SPRYD7: variants seen among roughly 807,000 people sequenced by gnomAD.
SPRYD7 encodes the protein SPRY domain-containing protein 7.
SPRYD7 carries 14 observed loss-of-function variants against 23.8 expected under a neutral mutation model. That is an observed-to-expected ratio of 0.59 (90% CI 0.39 to 0.92). The LOEUF (loss-of-function observed/expected upper bound fraction) is 0.92, where lower values mean the gene tolerates loss of function less well. Ranked by LOEUF, SPRYD7 falls within the 40% of genes least tolerant of loss-of-function variation. The probability of loss-of-function intolerance (pLI) is 0.00; values close to 1 mark genes in which losing one functional copy is unlikely to be tolerated. For missense variants in SPRYD7, 194 were observed against 241.7 expected (o/e 0.80, Z 1.31); for synonymous variants, 75 against 84.9 (o/e 0.88, Z 0.64).
At chr13:49,933,430 C>T (rs1374076267) in intron 1 of SPRYD7, among the ~76,000 whole-genome samples, 1 of 151,724 alleles carries the variant, frequency 6.6e-6, no homozygotes, top group Non-Finnish European at 1.5e-5. Context: ...GTGAAACCCC[C>T]ATCTCTACTA....
At chr13:49,929,212 C>T (rs1020655687) in intron 2 of SPRYD7, among the ~76,000 whole-genome samples, 2 of 152,108 alleles carry the variant, frequency 1.3e-5, no homozygotes, top group South Asian at 2.1e-4. Flanking sequence ...GGGAAGGCTG[C>T]GGCAGGAGTA....
At chr13:49,923,388 C>T (rs950518372) in intron 3 of SPRYD7, among the ~76,000 whole-genome samples, 6 of 152,184 alleles carry the variant, frequency 3.9e-5, no homozygotes, top group Non-Finnish European at 8.8e-5. Context: ...GGATTACAGG[C>T]GCCCGCCACC....
In SPRYD7 at chr13:49,913,782, T is replaced by G. The variant is rs910705220; in HGVS notation, c.*1281A>C. 1 of 152,188 alleles carries G rather than the reference T, an allele frequency of 6.6e-6. No homozygotes were observed. Among genetic ancestry groups the G allele is most frequent in the African/African-American group, 2.4e-5 (1 of 41,452 alleles). The allele number at this position is 152,188 out of a possible 1,614,324, so 9.4% of individuals were successfully genotyped here. A position where few individuals can be genotyped will look rare whatever the true frequency, so the allele number is the denominator to read the frequency against. ...ACCTTGTGATCCTCCCGCCTCAGCC[T>G]CCCAAAGTGCTGGGATTACAGGTGT... On this transcript the variant is annotated 3_prime_UTR_variant, in exon 5 of 5. Transcript: ENST00000361840.
chr13:49,921,646 A>G, intron 3 of SPRYD7, 66 bp from the exon 4 acceptor site: 1 of 985,456 alleles, frequency 1.0e-6, no homozygotes, highest in Non-Finnish European at 1.6e-6. Flanking sequence ...ACTGGGAAGT[A>G]TGGAAACACA....
intron 1 of SPRYD7, 62 bp downstream of exon 1, chr13:49,936,067 TC>T: frequency 5.9e-6 from 7 of 1,190,272 alleles, no homozygotes; most frequent in East Asian, 6.6e-5. Context: ...ACCCTGAAGG[TC>T]CCCCTGCCCG....
intron 4 of SPRYD7, among the ~76,000 whole-genome samples, chr13:49,919,480 G>T (rs2138215778): frequency 6.6e-6 from 1 of 152,182 alleles, no homozygotes; most frequent in South Asian, 2.1e-4. Context: ...GGAGGCGGAG[G>T]TTTCAGTGAG....
chr13:49,934,555 C>CAA lies in SPRYD7; in HGVS notation c.106+1573_106+1574dup, dbSNP rs889803067. Among the ~76,000 whole-genome samples, 237 of 52,968 alleles carry CAA rather than the reference C, an allele frequency of 4.5e-3. 1 individual carries two copies. The highest frequency in any genetic ancestry group is 0.016 in the Middle Eastern group (2 of 122). 34.7% of individuals were successfully genotyped at this position (52,968 alleles called of 152,430 possible). A position where few individuals can be genotyped will look rare whatever the true frequency, so the allele number is the denominator to read the frequency against. On this transcript the variant is annotated intron_variant, in intron 1 of 4. Transcript: ENST00000361840. ...GGGCAACAATAGTGAAACTCCGTCT[C>CAA]AAAAAAAAAAAAAAAAAAAAAAGAA...
chr13:49,933,580 C>T (rs565417368), intron 1 of SPRYD7, among the ~76,000 whole-genome samples: 2 of 142,946 alleles, frequency 1.4e-5, no homozygotes, highest in Non-Finnish European at 3.0e-5. Flanking sequence ...CCAGCCTGGG[C>T]GACAGAGCGA....
Position 49,915,080 on chromosome 13 carries a change from C to A in SPRYD7, c.574G>T (p.Glu192Ter). The A allele has an allele frequency of 6.4e-7, 1 of 1,550,520 alleles. No individual in the cohort carries two copies. Among genetic ancestry groups the A allele is most frequent in the South Asian group, 1.2e-5 (1 of 80,264 alleles). The change falls in exon 5 of 5, where the codon GAA (glutamate) becomes TAA (stop). Residue 192 changes from glutamate to a stop codon, truncating the protein, a stop_gained. Coordinates refer to ENST00000361840, the MANE Select transcript of SPRYD7 (RefSeq NM_020456.4). LOFTEE classifies it high-confidence loss of function. ...PPPGFEKILFEQQIF is the reference protein window; with the variant it reads ...PPPGFEKILF ...AAATACATTCAGAAGATTTGCTGTTCAAATAATATTTTTTCAAAACCAGGT... is the reference window on the plus strand; with the variant it reads ...AAATACATTCAGAAGATTTGCTGTTAAAATAATATTTTTTCAAAACCAGGT...
In SPRYD7 at chr13:49,928,027, G is replaced by A. The variant is rs750530234; in HGVS notation, c.282C>T (p.Gly94=). The change falls in exon 3 of 5, where the codon GGC becomes GGT. Residue 94 remains glycine, a synonymous_variant. Coordinates refer to ENST00000361840, the MANE Select transcript of SPRYD7 (RefSeq NM_020456.4). The part of the protein sequence containing the change: ...QKVNLNQIPL[G]RDMHSLVMRN... ...TCATCACCAGACTGTGCATATCTCG[G>A]CCAAGAGGAATCTGATTCAAGTTAA... 1.2e-6 allele frequency: 2 copies of A among 1,614,020 alleles called. No homozygotes were observed. Among genetic ancestry groups the A allele is most frequent in the Non-Finnish European group, 1.7e-6 (2 of 1,179,978 alleles).
chr13:49,926,443 T>C (rs188325419), intron 3 of SPRYD7, among the ~76,000 whole-genome samples: 1 of 152,370 alleles, frequency 6.6e-6, no homozygotes, highest in East Asian at 1.9e-4. Flanking sequence ...AATAAGGATG[T>C]TCCATATTAT....
rs1282410890 is a variant in SPRYD7, at chr13:49,914,844, GAATT to G, written c.*215_*218del. ...CCCATAATTCTATTTATTTAAATAA[GAATT>G]AAATAAACTGCCCAAATGCTTATTT... On this transcript the variant is annotated 3_prime_UTR_variant, in exon 5 of 5. Transcript: ENST00000361840. 2.0e-5 allele frequency: 5 copies of G among 252,128 alleles called. No individual in the cohort carries two copies. The highest frequency in any genetic ancestry group is 3.1e-5 in the Non-Finnish European group (4 of 127,366). 15.6% of individuals were successfully genotyped at this position (252,128 alleles called of 1,614,324 possible). A position where few individuals can be genotyped will look rare whatever the true frequency, so the allele number is the denominator to read the frequency against.
rs1299463050 is a variant in SPRYD7, at chr13:49,914,284, T to C, written c.*779A>G. On this transcript the variant is annotated 3_prime_UTR_variant, in exon 5 of 5. Coordinates refer to ENST00000361840, the MANE Select transcript of SPRYD7 (RefSeq NM_020456.4). ...AATATAGTATGGTATATTCCTTAAT[T>C]ACAATTATTTTATTATTCCTTACAG... The C allele has an allele frequency of 6.5e-6, 1 of 153,758 alleles. No individual in the cohort carries two copies. The highest frequency in any genetic ancestry group is 1.5e-5 in the Non-Finnish European group (1 of 68,044). 9.5% of individuals were successfully genotyped at this position (153,758 alleles called of 1,614,324 possible). A position where few individuals can be genotyped will look rare whatever the true frequency, so the allele number is the denominator to read the frequency against.
chr13:49,921,694 G>A, intron 3 of SPRYD7, 114 bp from the exon 4 acceptor site: 2 of 642,376 alleles, frequency 3.1e-6, no homozygotes, highest in Non-Finnish European at 2.8e-6. Flanking sequence ...TTTCATTAAG[G>A]GTTGACAATT....
chr13:49,920,908 C>T (rs1339573269), intron 4 of SPRYD7, among the ~76,000 whole-genome samples: 1 of 152,106 alleles, frequency 6.6e-6, no homozygotes, highest in Non-Finnish European at 1.5e-5. Context: ...CTGCAGTGAG[C>T]TGAGATCGTG....
At chr13:49,925,397 A>C (rs1365137565) in intron 3 of SPRYD7, among the ~76,000 whole-genome samples, 1 of 152,100 alleles carries the variant, frequency 6.6e-6, no homozygotes, top group Non-Finnish European at 1.5e-5. Flanking sequence ...ATCTCAATAA[A>C]TAAATGCTTA....
At chr13:49,919,516 T>C (rs944051848) in intron 4 of SPRYD7, among the ~76,000 whole-genome samples, 7 of 151,468 alleles carry the variant, frequency 4.6e-5, no homozygotes, top group Admixed American at 1.3e-4. Context: ...TGCACTCCAG[T>C]CTGGCGATGG....
chr13:49,929,794 C>CT lies in SPRYD7; in HGVS notation c.223+1223dup, dbSNP rs543081981. ...AGGCGTGAGCCACCACGCCCAGCCA[C>CT]TTTTTTTTTTTTTGAGACGGAGTCT... On this transcript the variant is annotated intron_variant, in intron 2 of 4. Transcript: ENST00000361840. Among the ~76,000 whole-genome samples the CT allele has an allele frequency of 2.9e-3, 394 of 138,146 alleles. 2 individuals are homozygous for CT. The highest frequency in any genetic ancestry group is 4.0e-3 in the Middle Eastern group (1 of 248). 90.6% of individuals were successfully genotyped at this position (138,146 alleles called of 152,430 possible). A position where few individuals can be genotyped will look rare whatever the true frequency, so the allele number is the denominator to read the frequency against.
At chr13:49,931,478 C>T (rs73196708) in intron 1 of SPRYD7, among the ~76,000 whole-genome samples, 8,634 of 152,190 alleles carry the variant, frequency 0.057, 303 homozygotes, top group African/African-American at 0.097. Flanking sequence ...CCGCGCCTGG[C>T]CAAGTTTTCT....
Sources: allele counts gnomAD v4.1 joint callset (sites outside exome capture counted in the v4.1 genomes callset), GRCh38; gene constraint gnomAD v4.1.1; transcripts MANE v1.5; gene names NCBI Gene and HGNC (gene_info 2026-07-23, HGNC 2026-07-21).